The following PLA2R1 variants were observed in gnomAD, a reference collection of about 807,000 sequenced individuals.
PLA2R1 encodes the protein secretory phospholipase A2 receptor.
A neutral mutation model predicts 195.9 loss-of-function variants in PLA2R1; 158 were observed. The observed-to-expected ratio is 0.81, with a 90% confidence interval of 0.71 to 0.92. PLA2R1 has a LOEUF of 0.92. PLA2R1 is among the 40% of genes least tolerant of loss of function. PLA2R1 has a pLI of 0.00. For synonymous variants in PLA2R1, 586 were observed against 598.2 expected (o/e 0.98, Z 0.30); for missense variants, 1,626 against 1,764.6 (o/e 0.92, Z 1.41).
chr2:159,950,301 C>G (rs1172499577), intron 24 of PLA2R1, among the ~76,000 whole-genome samples: 1 of 152,076 alleles, frequency 6.6e-6, no homozygotes, highest in East Asian at 1.9e-4. Context: ...TTTGAGAATA[C>G]CTGGTGTTGA....
chr2:160,047,076 G>A (rs183960446), intron 1 of PLA2R1, among the ~76,000 whole-genome samples: 5 of 152,290 alleles, frequency 3.3e-5, no homozygotes, highest in Admixed American at 3.3e-4. Flanking sequence ...TATAAGCTCT[G>A]CAACGTACTG....
chr2:160,012,951 G>A (rs1360305429), intron 10 of PLA2R1, among the ~76,000 whole-genome samples: 1 of 151,754 alleles, frequency 6.6e-6, no homozygotes, highest in East Asian at 1.9e-4. Flanking sequence ...TAAATAACGG[G>A]TTTCATTTCC....
At chr2:159,962,329 A>G (rs910257225) in intron 20 of PLA2R1, among the ~76,000 whole-genome samples, 1 of 152,252 alleles carries the variant, frequency 6.6e-6, no homozygotes, top group African/African-American at 2.4e-5. Flanking sequence ...CAAACCCACA[A>G]TGAGATACCA....
At chr2:159,971,856 T>C (rs1689213166) in intron 17 of PLA2R1, among the ~76,000 whole-genome samples, 1 of 152,192 alleles carries the variant, frequency 6.6e-6, no homozygotes, top group Non-Finnish European at 1.5e-5. Flanking sequence ...GTAAACAGCA[T>C]GGCTATTTGT....
chr2:159,957,608 C>T (rs1470000717), intron 20 of PLA2R1, among the ~76,000 whole-genome samples: 2 of 152,136 alleles, frequency 1.3e-5, no homozygotes, highest in Non-Finnish European at 2.9e-5. Context: ...CTGCCTTGGC[C>T]TCCCAAAGAG....
intron 10 of PLA2R1, among the ~76,000 whole-genome samples, chr2:160,012,551 T>G (rs1692432145): frequency 6.6e-6 from 1 of 152,170 alleles, no homozygotes; most frequent in African/African-American, 2.4e-5. Context: ...CCTCCACATT[T>G]TATAGCTTTT....
chr2:159,959,432 A>C (rs1004607487), intron 20 of PLA2R1, among the ~76,000 whole-genome samples: 3 of 152,148 alleles, frequency 2.0e-5, no homozygotes, highest in African/African-American at 7.2e-5. Context: ...TTACTAACAC[A>C]CTCCGAAATT....
intron 26 of PLA2R1, 21 bp from the exon 27 acceptor site, chr2:159,946,938 A>C: frequency 7.0e-7 from 1 of 1,433,176 alleles, no homozygotes; most frequent in Non-Finnish European, 9.7e-7. Context: ...GACAAGTAGC[A>C]AAGGAATATT....
chr2:160,005,048 A>G (rs576464354), intron 11 of PLA2R1, among the ~76,000 whole-genome samples: 1 of 152,320 alleles, frequency 6.6e-6, no homozygotes, highest in South Asian at 2.1e-4. Context: ...AGGTGGGGAG[A>G]AAGACATTAG....
chr2:159,977,216 T>C, intron 15 of PLA2R1, 68 bp downstream of exon 15: 2 of 1,228,938 alleles, frequency 1.6e-6, no homozygotes, highest in Middle Eastern at 5.2e-4. Context: ...TTGGGGTGTT[T>C]AAATTGGGAA....
At position 159,939,878 on chromosome 2, in the gene PLA2R1, G is replaced by A. The variant is rs1385218004; in HGVS notation, c.*1900C>T. On this transcript the variant is annotated 3_prime_UTR_variant, in exon 30 of 30. Transcript: ENST00000283243. Reference sequence around the variant, plus strand: ...CTTTTATACCATCTGGTGAGTTCAAGCCAATTATTTTTTGAGTCATAAATA... The same window carrying A: ...CTTTTATACCATCTGGTGAGTTCAAACCAATTATTTTTTGAGTCATAAATA... 1 of 152,092 alleles carries A rather than the reference G, an allele frequency of 6.6e-6. No individual in the cohort carries two copies. The highest frequency in any genetic ancestry group is 1.9e-4 in the East Asian group (1 of 5,194). 9.4% of individuals were successfully genotyped at this position (152,092 alleles called of 1,614,324 possible).
chr2:159,942,193 T>C (rs1687124199), intron 28 of PLA2R1, 34 bp from the exon 29 acceptor site: 2 of 1,550,950 alleles, frequency 1.3e-6, no homozygotes, highest in Non-Finnish European at 8.9e-7. Context: ...AATGAGGTTT[T>C]TCTTTTAATT....
At chr2:160,033,206 G>T in intron 3 of PLA2R1, 74 bp from the exon 4 acceptor site, 1 of 1,156,300 alleles carries the variant, frequency 8.6e-7, no homozygotes, top group Non-Finnish European at 1.2e-6. Flanking sequence ...AGGTAAGTCT[G>T]AATGGAATTA....
intron 11 of PLA2R1, among the ~76,000 whole-genome samples, chr2:159,990,535 C>T (rs1574748603): frequency 6.6e-6 from 1 of 152,184 alleles, no homozygotes; most frequent in Non-Finnish European, 1.5e-5. Context: ...AGTCTGCCTG[C>T]TTATTTTCTG....
rs1686992813 is a variant in PLA2R1 at position 159,939,464 on chromosome 2, C to G, written c.*2314G>C. 1 of 147,924 alleles carries G rather than the reference C, an allele frequency of 6.8e-6. No homozygotes were observed. The highest frequency in any genetic ancestry group is 6.9e-5 in the Admixed American group (1 of 14,480). 9.2% of individuals were successfully genotyped at this position (147,924 alleles called of 1,614,324 possible). ...AAGGTTGCAGTGAGCTGAGATCATG[C>G]CACTGTACTCCTGCCTGGCAACAGA... On this transcript the variant is annotated 3_prime_UTR_variant, in exon 30 of 30. Transcript: ENST00000283243.
At chr2:160,003,091 T>G (rs914368649) in intron 11 of PLA2R1, among the ~76,000 whole-genome samples, 3 of 152,054 alleles carry the variant, frequency 2.0e-5, no homozygotes, top group Non-Finnish European at 4.4e-5. Context: ...TTATGGTATT[T>G]CGAATCAGTA....
In PLA2R1 at chr2:159,934,685, C is replaced by T. The variant is rs995340274; in HGVS notation, c.*7093G>A. The T allele has an allele frequency of 9.2e-5, 14 of 152,234 alleles. 1 individual carries two copies. Among genetic ancestry groups the T allele is most frequent in the Non-Finnish European group, 1.9e-4 (13 of 68,008 alleles). 9.4% of individuals were successfully genotyped at this position (152,234 alleles called of 1,614,324 possible). A position where few individuals can be genotyped will look rare whatever the true frequency, so the allele number is the denominator to read the frequency against. ...GTCTAATATCATAGCAAAATGTTAA[C>T]TTTTTATATTGAAATGATTTTAGGT... On this transcript the variant is annotated 3_prime_UTR_variant, in exon 30 of 30. Coordinates refer to ENST00000283243, the MANE Select transcript of PLA2R1 (RefSeq NM_007366.5).
At chr2:159,998,216 T>C (rs993005281) in intron 11 of PLA2R1, among the ~76,000 whole-genome samples, 1 of 152,188 alleles carries the variant, frequency 6.6e-6, no homozygotes, top group East Asian at 1.9e-4. Flanking sequence ...TCTGTAGCTT[T>C]AGGTAAAATC....
rs764005290 is a variant in PLA2R1 at position 160,045,036 on chromosome 2, T to G, written c.231A>C (p.Ser77=). ...ANKHMLWKWV[S]NHGLFNIGGS... ...CTCCTATGTTAAAGAGGCCATGGTT[T>G]GAAACCCATTTCCACAGCATGTGCT... The change falls in exon 2 of 30, where the codon TCA becomes TCC. Residue 77 remains serine (S), a synonymous_variant. Transcript: ENST00000283243. 1.1e-5 allele frequency: 17 copies of G among 1,614,128 alleles called. No homozygotes were observed. Among genetic ancestry groups the G allele is most frequent in the Non-Finnish European group, 1.3e-5 (15 of 1,180,042 alleles).
Sources: allele counts gnomAD v4.1 joint callset (sites outside exome capture counted in the v4.1 genomes callset), GRCh38; gene constraint gnomAD v4.1.1; transcripts MANE v1.5; gene names NCBI Gene and HGNC (gene_info 2026-07-23, HGNC 2026-07-21).